Variants in SOX6 observed in about 807,000 individuals in gnomAD.
SOX6 encodes transcription factor SOX-6.
Under a neutral mutation model 97.8 loss-of-function variants are expected in SOX6, and 11 were observed. That is an observed-to-expected ratio of 0.11 (90% CI 0.07 to 0.19). The LOEUF (loss-of-function observed/expected upper bound fraction) is 0.19, where lower values mean the gene tolerates loss of function less well. SOX6 is among the 10% of genes least tolerant of loss of function. The pLI is 1.00. For synonymous variants in SOX6, 360 were observed against 371.4 expected, an observed-to-expected ratio of 0.97 and a Z score of 0.35; for missense variants, 810 against 1,039.5, an observed-to-expected ratio of 0.78 and a Z score of 3.04.
intron 3 of SOX6, among the ~76,000 whole-genome samples, chr11:16,707,022 T>C (rs897572682): frequency 4.6e-5 from 7 of 152,164 alleles, no homozygotes; most frequent in Non-Finnish European, 1.5e-5. Context: ...TCACTTTAAA[T>C]AAGCGAAATC....
At chr11:16,361,917 T>A (rs965713958) in intron 1 of SOX6, among the ~76,000 whole-genome samples, 1 of 152,234 alleles carries the variant, frequency 6.6e-6, no homozygotes, top group Admixed American at 6.5e-5. Context: ...TATGCTTGTA[T>A]GTTATTCATA....
At chr11:16,332,350 A>G (rs1055217234) in intron 2 of SOX6, among the ~76,000 whole-genome samples, 2 of 152,164 alleles carry the variant, frequency 1.3e-5, no homozygotes, top group African/African-American at 4.8e-5. Flanking sequence ...TAAATATTTG[A>G]ATTATTCATT....
At chr11:16,383,999 T>A (rs1857904533) in intron 1 of SOX6, among the ~76,000 whole-genome samples, 1 of 151,928 alleles carries the variant, frequency 6.6e-6, no homozygotes, top group Non-Finnish European at 1.5e-5. Context: ...TAACAGACAC[T>A]CAACTCAGGG....
intron 4 of SOX6, among the ~76,000 whole-genome samples, chr11:16,540,236 T>C (rs573824085): frequency 6.6e-6 from 1 of 152,128 alleles, no homozygotes; most frequent in Non-Finnish European, 1.5e-5. Flanking sequence ...ATTATCTCAA[T>C]AGATGCAGAA....
At chr11:16,120,302 C>T (rs1385086050) in intron 6 of SOX6, among the ~76,000 whole-genome samples, 3 of 151,088 alleles carry the variant, frequency 2.0e-5, no homozygotes, top group African/African-American at 7.3e-5. Flanking sequence ...TCTTTCCTTT[C>T]TCAGGTCCCA....
intron 3 of SOX6, among the ~76,000 whole-genome samples, chr11:16,657,510 G>C (rs1280443728): frequency 1.3e-5 from 2 of 152,214 alleles, no homozygotes; most frequent in Non-Finnish European, 2.9e-5. Flanking sequence ...AGTTTTGTAA[G>C]AAACTGCCAA....
At chr11:16,278,208 G>GT (rs895235212) in intron 3 of SOX6, among the ~76,000 whole-genome samples, 5 of 151,964 alleles carry the variant, frequency 3.3e-5, no homozygotes, top group East Asian at 1.9e-4. Flanking sequence ...GCCAAATAAC[G>GT]TTTTTTTAAT....
chr11:16,522,694 TAA>T (rs1254087319), intron 4 of SOX6, among the ~76,000 whole-genome samples: 2 of 152,128 alleles, frequency 1.3e-5, no homozygotes, highest in Non-Finnish European at 1.5e-5. Context: ...GCAAGTTGGA[TAA>T]AGAGTCAAGA....
At chr11:16,042,642 A>C (rs558659459) in intron 12 of SOX6, among the ~76,000 whole-genome samples, 17 of 152,228 alleles carry the variant, frequency 1.1e-4, no homozygotes, top group African/African-American at 4.1e-4. Context: ...TTCTCTCTCT[A>C]GGTTTCAGTT....
intron 1 of SOX6, among the ~76,000 whole-genome samples, chr11:16,377,118 T>C (rs1036045929): frequency 2.0e-5 from 3 of 152,000 alleles, no homozygotes; most frequent in African/African-American, 7.2e-5. Context: ...TTTTAAAATA[T>C]AGTGATAAAA....
intron 6 of SOX6, among the ~76,000 whole-genome samples, chr11:16,141,006 T>C (rs1850121030): frequency 6.6e-6 from 1 of 151,616 alleles, no homozygotes; most frequent in African/African-American, 2.4e-5. Flanking sequence ...CCCAGCTACA[T>C]GGGAAGCTGA....
At chr11:16,438,523 G>T (rs774225128) in intron 1 of SOX6, among the ~76,000 whole-genome samples, 20 of 152,122 alleles carry the variant, frequency 1.3e-4, no homozygotes, top group Non-Finnish European at 2.1e-4. Context: ...TTCTAACCTA[G>T]TCAAGAACTT....
chr11:16,535,860 C>T (rs1329448999), intron 4 of SOX6, among the ~76,000 whole-genome samples: 2 of 152,186 alleles, frequency 1.3e-5, no homozygotes, highest in African/African-American at 2.4e-5. Flanking sequence ...AAGTCTACAA[C>T]CAATCAACAA....
intron 2 of SOX6, among the ~76,000 whole-genome samples, chr11:16,321,561 T>C (rs1855927951): frequency 6.6e-6 from 1 of 152,048 alleles, no homozygotes; most frequent in Non-Finnish European, 1.5e-5. Context: ...TTACTTGTTG[T>C]TTACTCATGG....
At chr11:16,151,731 T>C (rs75588832) in intron 6 of SOX6, among the ~76,000 whole-genome samples, 1,975 of 152,262 alleles carry the variant, frequency 0.013, 41 homozygotes, top group African/African-American at 0.045. Context: ...TTAAAAACTA[T>C]GGCAAGCTGA....
chr11:16,544,419 T>C (rs1847590075), intron 4 of SOX6, among the ~76,000 whole-genome samples: 1 of 152,034 alleles, frequency 6.6e-6, no homozygotes, highest in Non-Finnish European at 1.5e-5. Flanking sequence ...CTACCATGCC[T>C]GGCTAATTTT....
chr11:15,975,504 A>G (rs575076484), intron 15 of SOX6, among the ~76,000 whole-genome samples: 7 of 152,300 alleles, frequency 4.6e-5, no homozygotes, highest in Non-Finnish European at 1.0e-4. Flanking sequence ...CCTTTTCACA[A>G]AGAATAGATG....
chr11:16,470,996 G>C (rs1230184203), intron 1 of SOX6, among the ~76,000 whole-genome samples: 1 of 151,656 alleles, frequency 6.6e-6, no homozygotes, highest in African/African-American at 2.4e-5. Flanking sequence ...AGTCAAGATA[G>C]AATTTTTTAA....
chr11:16,324,966 T>C (rs895269470), intron 2 of SOX6, among the ~76,000 whole-genome samples: 1 of 152,054 alleles, frequency 6.6e-6, no homozygotes. Context: ...GGAAATATAG[T>C]TAGATAGAAG....
Sources: allele counts gnomAD v4.1 joint callset (sites outside exome capture counted in the v4.1 genomes callset), GRCh38; gene constraint gnomAD v4.1.1; transcripts MANE v1.5; gene names NCBI Gene and HGNC (gene_info 2026-07-23, HGNC 2026-07-21).